Variants in GRID2 observed in about 807,000 individuals in gnomAD.
The protein encoded by GRID2 is glutamate receptor ionotropic, delta-2.
Under a neutral mutation model 114.8 loss-of-function variants are expected in GRID2, and 33 were observed. The observed-to-expected ratio is 0.29, with a 90% CI of 0.22 to 0.38. The LOEUF (loss-of-function observed/expected upper bound fraction) is 0.38, where lower values mean the gene tolerates loss of function less well. GRID2 is among the 10% of genes least tolerant of loss of function. The pLI is 1.00. For synonymous variants in GRID2, 505 were observed against 449.9 expected, an observed-to-expected ratio of 1.12 and a Z score of -1.55; for missense variants, 1,184 against 1,257.7, an observed-to-expected ratio of 0.94 and a Z score of 0.89.
intron 8 of GRID2, among the ~76,000 whole-genome samples, chr4:93,286,204 C>G (rs2149135746): frequency 6.6e-6 from 1 of 151,980 alleles, no homozygotes; most frequent in East Asian, 1.9e-4. Flanking sequence ...ATAGACTGAG[C>G]TAGTTGTTCT....
chr4:93,717,879 A>T (rs532466997), intron 14 of GRID2, among the ~76,000 whole-genome samples: 1 of 152,312 alleles, frequency 6.6e-6, no homozygotes, highest in Non-Finnish European at 1.5e-5. Context: ...ACTACTTACT[A>T]TCTTGAGAGA....
chr4:93,491,482 G>T (rs1365567371), intron 12 of GRID2, among the ~76,000 whole-genome samples: 1 of 151,762 alleles, frequency 6.6e-6, no homozygotes, highest in African/African-American at 2.4e-5. Flanking sequence ...ACCACAGCCA[G>T]TTTTGCTTTT....
At chr4:92,544,164 C>T (rs1413936907) in intron 1 of GRID2, among the ~76,000 whole-genome samples, 2 of 152,034 alleles carry the variant, frequency 1.3e-5, no homozygotes, top group African/African-American at 2.4e-5. Context: ...CAAAATGTTG[C>T]CCTGTAATTA....
chr4:93,431,148 G>A (rs561339630), intron 10 of GRID2, among the ~76,000 whole-genome samples: 36 of 152,170 alleles, frequency 2.4e-4, no homozygotes, highest in Non-Finnish European at 4.7e-4. Context: ...ATAAAAGGGT[G>A]GTTGTGTAAC....
chr4:92,547,628 T>C (rs1032884936), intron 1 of GRID2, among the ~76,000 whole-genome samples: 7 of 152,128 alleles, frequency 4.6e-5, no homozygotes, highest in African/African-American at 1.7e-4. Flanking sequence ...ACAGGACTTA[T>C]ATTGTTATTT....
intron 14 of GRID2, among the ~76,000 whole-genome samples, chr4:93,673,959 C>T (rs1724640380): frequency 6.6e-6 from 1 of 152,008 alleles, no homozygotes; most frequent in African/African-American, 2.4e-5. Flanking sequence ...TTCTTCTTCA[C>T]CTCCTTCTTC....
chr4:93,314,846 T>C (rs550741452), intron 8 of GRID2, among the ~76,000 whole-genome samples: 2 of 152,222 alleles, frequency 1.3e-5, no homozygotes, highest in African/African-American at 4.8e-5. Context: ...TTGCCATTTT[T>C]TGTTTTTTTG....
chr4:93,215,283 A>G (rs1744066391), intron 5 of GRID2, among the ~76,000 whole-genome samples: 1 of 152,056 alleles, frequency 6.6e-6, no homozygotes, highest in Non-Finnish European at 1.5e-5. Flanking sequence ...AAAGTCATAC[A>G]ATTTTCCACT....
At chr4:92,979,022 AAAAAAT>A (rs1012195165) in intron 2 of GRID2, among the ~76,000 whole-genome samples, 1 of 152,072 alleles carries the variant, frequency 6.6e-6, no homozygotes, top group African/African-American at 2.4e-5. Context: ...CCTTGTCTCT[AAAAAAT>A]AAAAATAAAA....
rs879369711 is a variant in GRID2, at chr4:93,502,006, TTATAGATATGGTTAAAAAAAGAA to T, written c.1997+11230_1997+11252del. ...TAAATAAATTCTATCCACCACAAAC[TTATAGATATGGTTAAAAAAAGAA>T]CCTATGCTTGGAGTATACTGCTTAG... On this transcript the variant is annotated intron_variant, in intron 12 of 15. Coordinates refer to ENST00000282020, the MANE Select transcript of GRID2 (RefSeq NM_001510.4). Among the ~76,000 whole-genome samples, 183 of 152,194 alleles carry T rather than the reference TTATAGATATGGTTAAAAAAAGAA, an allele frequency of 1.2e-3. 2 individuals are homozygous for T. Among genetic ancestry groups the T allele is most frequent in the Non-Finnish European group, 2.5e-4 (17 of 68,008 alleles).
intron 4 of GRID2, among the ~76,000 whole-genome samples, chr4:93,181,516 C>T (rs998975874): frequency 1.3e-5 from 2 of 152,136 alleles, no homozygotes; most frequent in Admixed American, 1.3e-4. Context: ...CAGGCATTGA[C>T]TTTCTGGTTA....
Position 93,440,575 on chromosome 4 carries a change from T to C in GRID2, c.1546-15087T>C, listed in dbSNP as rs78967228. Among the ~76,000 whole-genome samples the C allele has an allele frequency of 7.2e-3, 1,103 of 152,212 alleles. 13 individuals are homozygous for C. Among genetic ancestry groups the C allele is most frequent in the African/African-American group, 0.025 (1,034 of 41,554 alleles). ...GTGTTCAAAATCCACTGGATATGCA[T>C]ATAGGATGAAACTAAAATATAGATA... On this transcript the variant is annotated intron_variant, in intron 10 of 15. Transcript: ENST00000282020.
chr4:92,309,017 A>G (rs1462433244), intron 1 of GRID2, among the ~76,000 whole-genome samples: 2 of 152,070 alleles, frequency 1.3e-5, no homozygotes, highest in African/African-American at 4.8e-5. Context: ...AATCAAAGAT[A>G]CCAACTATGA....
intron 2 of GRID2, among the ~76,000 whole-genome samples, chr4:92,694,963 A>C (rs1206478004): frequency 6.6e-6 from 1 of 151,262 alleles, no homozygotes; most frequent in Non-Finnish European, 1.5e-5. Flanking sequence ...ATTTTATCAG[A>C]TTTCATTTTG....
chr4:93,027,995 G>A (rs1437282654), intron 2 of GRID2, among the ~76,000 whole-genome samples: 1 of 152,014 alleles, frequency 6.6e-6, no homozygotes, highest in Non-Finnish European at 1.5e-5. Context: ...GAAATTAGAA[G>A]AACATAAATC....
At chr4:93,585,899 A>T (rs1737495196) in intron 13 of GRID2, among the ~76,000 whole-genome samples, 1 of 152,148 alleles carries the variant, frequency 6.6e-6, no homozygotes, top group African/African-American at 2.4e-5. Flanking sequence ...ATAAATAAAT[A>T]AAAGATGCTC....
At chr4:93,172,912 T>A (rs1425024484) in intron 4 of GRID2, among the ~76,000 whole-genome samples, 1 of 146,286 alleles carries the variant, frequency 6.8e-6, no homozygotes, top group Non-Finnish European at 1.5e-5. Flanking sequence ...CATCTTAAAC[T>A]TTTTTTTTTT....
At chr4:92,508,144 T>C (rs1046068721) in intron 1 of GRID2, among the ~76,000 whole-genome samples, 1 of 152,040 alleles carries the variant, frequency 6.6e-6, no homozygotes, top group African/African-American at 2.4e-5. Context: ...TTATTCTTTT[T>C]GTAAACACAG....
At chr4:93,046,085 T>C (rs962628168) in intron 2 of GRID2, among the ~76,000 whole-genome samples, 3 of 152,068 alleles carry the variant, frequency 2.0e-5, no homozygotes, top group African/African-American at 7.2e-5. Flanking sequence ...TAATAGAAAA[T>C]GAACTGAATA....
Sources: gnomAD v4.1 joint callset for allele counts (sites outside exome capture counted in the v4.1 genomes callset) on GRCh38, gnomAD v4.1.1 for gene constraint, MANE v1.5 for transcripts, NCBI Gene and HGNC (gene_info 2026-07-23, HGNC 2026-07-21) for gene names.